Variants in KCNT1 observed in about 807,000 individuals in gnomAD.
The protein encoded by KCNT1 is potassium sodium-activated channel subfamily T member 1.
A neutral mutation model predicts 147.8 loss-of-function variants in KCNT1; 78 were observed. The ratio of observed to expected loss-of-function variants is 0.53; its 90% CI spans 0.44 to 0.64. The LOEUF (loss-of-function observed/expected upper bound fraction) is 0.64, where lower values mean the gene tolerates loss of function less well. Ranked by LOEUF, KCNT1 falls within the 30% of genes least tolerant of loss-of-function variation. The pLI is 0.00. For missense variants in KCNT1, 1,419 were observed against 1,750.3 expected, an observed-to-expected ratio of 0.81 and a Z score of 3.38; for synonymous variants, 867 against 748.8, an observed-to-expected ratio of 1.16 and a Z score of -2.58.
At chr9:135,784,277 C>T in intron 25 of KCNT1, 152 bp downstream of exon 25, 1 of 709,794 alleles carries the variant, frequency 1.4e-6, no homozygotes, top group Non-Finnish European at 2.4e-6. Flanking sequence ...CTGTCCTTGC[C>T]CCAGGGATTT....
At position 135,784,836 on chromosome 9, in the gene KCNT1, G is replaced by A. The variant is rs748937639; in HGVS notation, c.3103G>A (p.Glu1035Lys). ...LFQKLCSSSA[E>K]IPIGIYRTES... is the part of the protein sequence containing the mutation. ...CCAGAAGCTCTGCTCCTCCAGCGCC[G>A]AGATCCCCATTGGCATCTACCGGAC... Residue 1035 changes from glutamate (E) to lysine (K), a missense_variant, in exon 27 of 31, where the codon GAG becomes AAG. Physicochemically the swap from Glu to Lys is moderately conservative, Grantham distance 56 (BLOSUM62 1). This residue lies in a region of KCNT1 where 247 missense variants were observed against 397.1 expected (regional missense o/e 0.62). Transcript: ENST00000371757. 6.2e-6 allele frequency: 10 copies of A among 1,612,710 alleles called. No homozygotes were observed. Among genetic ancestry groups the A allele is most frequent in the Admixed American group, 1.7e-5 (1 of 60,002 alleles).
Position 135,757,369 on chromosome 9 carries a change from G to A in KCNT1, c.747G>A (p.Leu249=). The change falls in exon 9 of 31, where the codon CTG becomes CTA. Residue 249 remains leucine (L), a synonymous_variant. Transcript: ENST00000371757. ...FLNCWLAKHA[L]ENMINDFHRA... Reference sequence around the variant, plus strand: ...ACTGCTGGCTGGCCAAGCACGCGCTGGAAAACATGATTGTAAGCCGGGGCG... The same window carrying A: ...ACTGCTGGCTGGCCAAGCACGCGCTAGAAAACATGATTGTAAGCCGGGGCG... 1 of 1,609,236 alleles carries A rather than the reference G, an allele frequency of 6.2e-7. No homozygotes were observed. The highest frequency in any genetic ancestry group is 8.5e-7 in the Non-Finnish European group (1 of 1,179,912).
At chr9:135,742,179 G>A (rs563439464) in intron 2 of KCNT1, among the ~76,000 whole-genome samples, 6 of 152,336 alleles carry the variant, frequency 3.9e-5, no homozygotes, top group South Asian at 2.1e-4. Flanking sequence ...TTGTCCTATC[G>A]CAGGGAGCCT....
chr9:135,725,171 G>A (rs12683254), intron 2 of KCNT1, among the ~76,000 whole-genome samples: 21,438 of 152,158 alleles, frequency 0.14, 1,674 homozygotes, highest in South Asian at 0.18. Context: ...GGGGCCTGTC[G>A]AGGGCCACAC....
chr9:135,703,820 C>T (rs1290051903), intron 1 of KCNT1, among the ~76,000 whole-genome samples: 3 of 152,360 alleles, frequency 2.0e-5, no homozygotes, highest in Non-Finnish European at 2.9e-5. Context: ...CTCCAGGCCT[C>T]ATCCTCCGGG....
At chr9:135,737,703 C>G (rs1297409242) in intron 2 of KCNT1, among the ~76,000 whole-genome samples, 1 of 152,148 alleles carries the variant, frequency 6.6e-6, no homozygotes, top group African/African-American at 2.4e-5. Flanking sequence ...GCTGGCAGAG[C>G]AGGGCCTGGC....
At chr9:135,785,794 C>A (rs1208829348) in intron 28 of KCNT1, 1 of 417,812 alleles carries the variant, frequency 2.4e-6, no homozygotes, top group Non-Finnish European at 4.4e-6. Flanking sequence ...GATCAGGGCT[C>A]ATCTGCAGAT....
At chr9:135,737,809 C>G (rs1830403910) in intron 2 of KCNT1, among the ~76,000 whole-genome samples, 1 of 152,198 alleles carries the variant, frequency 6.6e-6, no homozygotes, top group African/African-American at 2.4e-5. Context: ...ATTTCTAGCT[C>G]TTCACAGCAG....
In KCNT1 at chr9:135,788,310, G is replaced by A. The variant is rs1387976323; in HGVS notation, c.3502+1789G>A. 9 of 720,140 alleles carry A rather than the reference G, an allele frequency of 1.2e-5. No individual in the cohort carries two copies. The South Asian group carries it at 1.4e-4, about 11-fold the overall frequency. The allele number at this position is 720,140 out of a possible 1,614,324, so 44.6% of individuals were successfully genotyped here. A position where few individuals can be genotyped will look rare whatever the true frequency, so the allele number is the denominator to read the frequency against. The stretch of plus-strand genomic sequence containing the variant: ...GGTGTCAGCCCAGGCGGCCCTGTTG[G>A]GCAAGGCCTCGCATGCCGACAGAGT... On this transcript the variant is annotated intron_variant, in intron 29 of 30. Coordinates refer to ENST00000371757, the MANE Select transcript of KCNT1 (RefSeq NM_020822.3).
intron 29 of KCNT1, chr9:135,789,827 C>T (rs1156651971): frequency 6.6e-6 from 1 of 152,446 alleles, no homozygotes; most frequent in Non-Finnish European, 1.5e-5. Context: ...CAAAGCCAGC[C>T]CCTGCCCCAC....
At chr9:135,754,155 G>A (rs1021074136) in intron 5 of KCNT1, among the ~76,000 whole-genome samples, 162 bp downstream of exon 5, 1 of 152,164 alleles carries the variant, frequency 6.6e-6, no homozygotes, top group Non-Finnish European at 1.5e-5. Flanking sequence ...GTAGCCAGGC[G>A]CTCAGAGGCC....
intron 2 of KCNT1, among the ~76,000 whole-genome samples, chr9:135,718,029 C>A (rs1835785834): frequency 6.6e-6 from 1 of 152,222 alleles, no homozygotes; most frequent in Admixed American, 6.5e-5. Context: ...CGTGGGGACC[C>A]CAGCCCTGGC....
intron 13 of KCNT1, among the ~76,000 whole-genome samples, chr9:135,767,956 C>T (rs1353975575): frequency 6.6e-6 from 1 of 150,674 alleles, no homozygotes; most frequent in African/African-American, 2.4e-5. Flanking sequence ...AGCATCTGAC[C>T]CCCTGCCCCC....
chr9:135,754,369 G>A (rs1049501562), intron 5 of KCNT1, among the ~76,000 whole-genome samples: 3 of 152,216 alleles, frequency 2.0e-5, no homozygotes, highest in African/African-American at 4.8e-5. Flanking sequence ...GCCTCCACAC[G>A]CTCTTCCTGA....
intron 2 of KCNT1, among the ~76,000 whole-genome samples, chr9:135,717,859 A>G (rs1406223264): frequency 1.3e-5 from 2 of 152,188 alleles, no homozygotes; most frequent in South Asian, 2.1e-4. Flanking sequence ...TTCTTTGCCC[A>G]AAGGGGCTTG....
rs899093180 is a variant in KCNT1 at position 135,715,438 on chromosome 9, G to A, written c.254+718G>A. 2.6e-5 allele frequency among the ~76,000 whole-genome samples: 4 copies of A among 151,982 alleles called. No homozygotes were observed. In the East Asian group the frequency reaches 7.7e-4, roughly 29 times the overall value. ...AGGCGCTTTTTTGCCTGCAAGTGAA[G>A]GCAAGTGCTCTGAGGACTCACGCGG... On this transcript the variant is annotated intron_variant, in intron 2 of 30. Coordinates refer to ENST00000371757, the MANE Select transcript of KCNT1 (RefSeq NM_020822.3).
At chr9:135,755,067 G>A in intron 5 of KCNT1, 54 bp from the exon 6 acceptor site, 1 of 1,529,038 alleles carries the variant, frequency 6.5e-7, no homozygotes, top group Non-Finnish European at 8.8e-7. Context: ...CAGGGTGGCT[G>A]GGGGACACTA....
intron 2 of KCNT1, among the ~76,000 whole-genome samples, chr9:135,717,975 G>A (rs1024906150): frequency 6.6e-5 from 10 of 152,224 alleles, no homozygotes; most frequent in African/African-American, 2.4e-4. Flanking sequence ...GCTGACAGGG[G>A]TCCTGAGGTC....
At position 135,771,042 on chromosome 9, in the gene KCNT1, G is replaced by T. The variant is rs536588045; in HGVS notation, c.1955G>T (p.Gly652Val). 9.3e-6 allele frequency: 15 copies of T among 1,612,964 alleles called. No individual in the cohort carries two copies. In the East Asian group the frequency reaches 2.9e-4, roughly 31 times the overall value. ...KRKKRAFSGQ[G>V]LHEGPARLPV... The stretch of plus-strand genomic sequence containing the variant: ...AAGAAGAGGGCCTTCTCGGGGCAGG[G>T]GCTGCACGAGGGTCCGGCCCGCCTG... The change falls in exon 18 of 31, where the codon GGG becomes GTG. Residue 652 changes from glycine to valine, a missense_variant. Around this residue, in one of 5 missense-constraint regions of KCNT1, gnomAD observed 284 missense variants for 292.8 expected, o/e 0.97. Coordinates refer to ENST00000371757, the MANE Select transcript of KCNT1 (RefSeq NM_020822.3).
Sources: gnomAD v4.1 joint callset for allele counts (sites outside exome capture counted in the v4.1 genomes callset) on GRCh38, gnomAD v4.1.1 for gene constraint, gnomAD v4.1.1 regional missense constraint, MANE v1.5 for transcripts, NCBI Gene and HGNC (gene_info 2026-07-23, HGNC 2026-07-21) for gene names.